Variants in CALN1 observed in about 807,000 individuals in gnomAD.
CALN1 encodes calcium-binding protein 8.
CALN1 carries 17 observed loss-of-function variants against 30.6 expected under a neutral mutation model. The ratio of observed to expected loss-of-function variants is 0.56; its 90% CI spans 0.38 to 0.83. The LOEUF (loss-of-function observed/expected upper bound fraction) is 0.83. CALN1 is among the 40% of genes least tolerant of loss of function. The probability of loss-of-function intolerance (pLI) is 0.00; values close to 1 mark genes in which losing one functional copy is unlikely to be tolerated. For missense variants in CALN1, 291 were observed against 354.9 expected (o/e 0.82, Z 1.45); for synonymous variants, 156 against 131.4 (o/e 1.19, Z -1.28).
At chr7:72,059,837 T>A (rs1162447004) in intron 4 of CALN1, among the ~76,000 whole-genome samples, 1 of 152,164 alleles carries the variant, frequency 6.6e-6, no homozygotes, top group Non-Finnish European at 1.5e-5. Context: ...GTTCTGATGA[T>A]GGGTAGAGGA....
At chr7:72,405,385 G>C (rs1368774580) in intron 1 of CALN1, among the ~76,000 whole-genome samples, 1 of 152,152 alleles carries the variant, frequency 6.6e-6, no homozygotes, top group Non-Finnish European at 1.5e-5. Context: ...ATCTAGCATA[G>C]CTTGGGAGGT....
intron 5 of CALN1, among the ~76,000 whole-genome samples, chr7:71,972,543 G>A (rs1246173711): frequency 6.6e-6 from 1 of 152,160 alleles, no homozygotes; most frequent in Non-Finnish European, 1.5e-5. Context: ...TTTGGCCAAA[G>A]GTGTATCCTC....
At chr7:72,125,100 C>T (rs1419298073) in intron 3 of CALN1, among the ~76,000 whole-genome samples, 1 of 152,170 alleles carries the variant, frequency 6.6e-6, no homozygotes, top group African/African-American at 2.4e-5. Flanking sequence ...GCAACCTTGG[C>T]TCACTGCAAC....
chr7:71,934,895 C>T (rs959421538), intron 5 of CALN1, among the ~76,000 whole-genome samples: 6 of 152,122 alleles, frequency 3.9e-5, no homozygotes. Context: ...CAGGAGAACT[C>T]CTGTTTATAA....
chr7:72,359,739 G>C (rs1803448543), intron 2 of CALN1, among the ~76,000 whole-genome samples: 1 of 151,958 alleles, frequency 6.6e-6, no homozygotes. Flanking sequence ...ACTTTGGGAG[G>C]CTGAGGCGAG....
intron 3 of CALN1, among the ~76,000 whole-genome samples, chr7:72,214,954 A>C (rs1053937953): frequency 2.6e-5 from 4 of 151,698 alleles, no homozygotes; most frequent in African/African-American, 9.7e-5. Flanking sequence ...TTGCAGGAAA[A>C]CAAGCTCAGG....
chr7:72,197,837 T>C (rs1275681492), intron 3 of CALN1, among the ~76,000 whole-genome samples: 2 of 151,936 alleles, frequency 1.3e-5, no homozygotes, highest in African/African-American at 2.4e-5. Context: ...GCCTGGACAA[T>C]ACAGAAAGAT....
Position 71,825,720 on chromosome 7 carries a change from G to A in CALN1, c.502-15228C>T, listed in dbSNP as rs565634865. ...GAAATGGAAGACTGGTAAAGGTATT[G>A]AGAAAATGCAACGTTCAAAGCAGAA... On this transcript the variant is annotated intron_variant, in intron 5 of 6. Transcript: ENST00000395275. Among the ~76,000 whole-genome samples, 105 of 152,102 alleles carry A rather than the reference G, an allele frequency of 6.9e-4. No individual in the cohort carries two copies. The Middle Eastern group carries it at 0.014, about 20-fold the overall frequency.
At chr7:72,485,525 A>G in the CALN1 span, among the ~76,000 whole-genome samples, 2 of 152,274 alleles carry the variant, frequency 1.3e-5, no homozygotes, top group Non-Finnish European at 2.9e-5. Context: ...AGTGCTGTCT[A>G]CATACACATT....
chr7:72,272,961 G>C (rs1032281868), intron 3 of CALN1, among the ~76,000 whole-genome samples: 1 of 151,966 alleles, frequency 6.6e-6, no homozygotes, highest in East Asian at 1.9e-4. Context: ...CTTGGGAATG[G>C]GAAGGAGAGA....
chr7:72,249,167 T>G (rs1795381976), intron 3 of CALN1, among the ~76,000 whole-genome samples: 1 of 152,050 alleles, frequency 6.6e-6, no homozygotes, highest in East Asian at 1.9e-4. Flanking sequence ...CTGCCCTGAG[T>G]GAGGACAAGC....
intron 2 of CALN1, among the ~76,000 whole-genome samples, chr7:72,362,215 G>A (rs1346195317): frequency 1.3e-5 from 2 of 152,142 alleles, no homozygotes; most frequent in Non-Finnish European, 2.9e-5. Context: ...AGCTTCGTTC[G>A]TTGCTAACTG....
At chr7:72,210,684 T>C (rs149654647) in intron 3 of CALN1, among the ~76,000 whole-genome samples, 3 of 152,042 alleles carry the variant, frequency 2.0e-5, no homozygotes, top group Non-Finnish European at 4.4e-5. Context: ...AAGAAAAGTA[T>C]GGAGGAAACC....
At chr7:71,872,777 C>A (rs947752606) in intron 5 of CALN1, among the ~76,000 whole-genome samples, 1 of 151,692 alleles carries the variant, frequency 6.6e-6, no homozygotes, top group African/African-American at 2.4e-5. Context: ...CCATGCCCAG[C>A]TAATTTTAGT....
At chr7:72,423,825 A>G (rs1210148891) in intron 1 of CALN1, among the ~76,000 whole-genome samples, 1 of 151,646 alleles carries the variant, frequency 6.6e-6, no homozygotes, top group Non-Finnish European at 1.5e-5. Flanking sequence ...TCAAAAAAAA[A>G]AGAGAGAGAG....
chr7:72,076,611 CAAAAAAAAAA>C (rs572245834), intron 4 of CALN1, among the ~76,000 whole-genome samples: 3 of 6,126 alleles, frequency 4.9e-4, no homozygotes, highest in South Asian at 0.011. Context: ...AAAAAAAAAG[CAAAAAAAAAA>C]AAAAAAAAAA....
intron 2 of CALN1, among the ~76,000 whole-genome samples, chr7:72,385,617 C>A (rs1351989855): frequency 1.3e-5 from 2 of 152,176 alleles, no homozygotes; most frequent in Non-Finnish European, 2.9e-5. Flanking sequence ...TCTGTGTCCC[C>A]ACCCAATGCT....
chr7:71,996,173 A>G (rs542866299), intron 5 of CALN1, among the ~76,000 whole-genome samples: 4 of 152,296 alleles, frequency 2.6e-5, no homozygotes, highest in African/African-American at 9.6e-5. Context: ...AAACCTAAAC[A>G]TGACTAAACC....
At chr7:72,320,069 T>C (rs1344462405) in intron 2 of CALN1, among the ~76,000 whole-genome samples, 2 of 152,000 alleles carry the variant, frequency 1.3e-5, no homozygotes, top group African/African-American at 2.4e-5. Flanking sequence ...TGCAGTGAGC[T>C]GAGATCGTGC....
Sources: gnomAD v4.1 joint callset for allele counts (sites outside exome capture counted in the v4.1 genomes callset) on GRCh38, gnomAD v4.1.1 for gene constraint, MANE v1.5 for transcripts, NCBI Gene and HGNC (gene_info 2026-07-23, HGNC 2026-07-21) for gene names.